Variants in DCC observed in about 807,000 individuals in gnomAD.
The protein encoded by DCC is netrin receptor DCC.
In DCC, 58 loss-of-function variants were observed where a neutral mutation model predicts 172.5. The ratio of observed to expected loss-of-function variants is 0.34; its 90% CI spans 0.27 to 0.42. The LOEUF (loss-of-function observed/expected upper bound fraction) is 0.42. Ranked by LOEUF, DCC falls within the 10% of genes least tolerant of loss-of-function variation. DCC has a pLI of 1.00. For synonymous variants in DCC, 709 were observed against 644.5 expected, an observed-to-expected ratio of 1.10 and a Z score of -1.52; for missense variants, 1,740 against 1,791.0, an observed-to-expected ratio of 0.97 and a Z score of 0.51.
intron 3 of DCC, among the ~76,000 whole-genome samples, chr18:52,916,068 G>T (rs924687709): frequency 6.6e-6 from 1 of 152,014 alleles, no homozygotes; most frequent in Admixed American, 6.6e-5. Flanking sequence ...TAATTTTATT[G>T]TCTCGATCCT....
chr18:52,457,292 G>T (rs999564217), intron 1 of DCC, among the ~76,000 whole-genome samples: 2 of 152,134 alleles, frequency 1.3e-5, no homozygotes, highest in South Asian at 2.1e-4. Context: ...TCATAAAGCA[G>T]CTGGAAAATG....
At chr18:53,428,108 T>TA (rs1911152190) in intron 21 of DCC, among the ~76,000 whole-genome samples, 1 of 19,692 alleles carries the variant, frequency 5.1e-5, no homozygotes, top group African/African-American at 2.9e-4. Context: ...TATAATATAA[T>TA]ATAATAATAT....
chr18:52,586,985 C>G (rs2033688679), intron 1 of DCC, among the ~76,000 whole-genome samples: 1 of 152,166 alleles, frequency 6.6e-6, no homozygotes, highest in Non-Finnish European at 1.5e-5. Flanking sequence ...AATACCATGA[C>G]AGTGGGTAAG....
intron 14 of DCC, among the ~76,000 whole-genome samples, chr18:53,336,078 AT>A (rs1203194844): frequency 6.6e-6 from 1 of 152,194 alleles, no homozygotes; most frequent in Non-Finnish European, 1.5e-5. Flanking sequence ...ATCAGGCTTC[AT>A]TAATTTAAAT....
intron 1 of DCC, among the ~76,000 whole-genome samples, chr18:52,698,678 A>T (rs2036051274): frequency 6.6e-6 from 1 of 151,624 alleles, no homozygotes; most frequent in East Asian, 1.9e-4. Context: ...TGCTCACTGC[A>T]ACCTCCACCT....
chr18:53,493,866 T>G (rs1269246757), intron 26 of DCC, among the ~76,000 whole-genome samples: 1 of 152,228 alleles, frequency 6.6e-6, no homozygotes, highest in Non-Finnish European at 1.5e-5. Context: ...TGTCTTCTGC[T>G]AGCTTTTGAA....
intron 1 of DCC, among the ~76,000 whole-genome samples, chr18:52,408,558 A>C (rs950434451): frequency 6.6e-6 from 1 of 152,042 alleles, no homozygotes; most frequent in Admixed American, 6.6e-5. Flanking sequence ...AAGTAATTAC[A>C]CCCCAGGTTT....
intron 3 of DCC, among the ~76,000 whole-genome samples, chr18:52,912,043 A>G (rs574759601): frequency 2.0e-5 from 3 of 152,026 alleles, no homozygotes; most frequent in Non-Finnish European, 4.4e-5. Context: ...ACATTGACTT[A>G]ACATTGACCA....
intron 21 of DCC, among the ~76,000 whole-genome samples, chr18:53,426,323 A>T (rs1262830427): frequency 1.4e-5 from 2 of 141,398 alleles, no homozygotes; most frequent in Non-Finnish European, 3.1e-5. Context: ...TTATATATTT[A>T]TAAATTTTAT....
At chr18:52,664,476 C>CTTT (rs374796439) in intron 1 of DCC, among the ~76,000 whole-genome samples, 41 of 112,424 alleles carry the variant, frequency 3.6e-4, no homozygotes, top group East Asian at 5.3e-4. Flanking sequence ...TTTTCTTTTT[C>CTTT]TTTTTTTTTT....
At chr18:53,328,647 G>A (rs912740206) in intron 14 of DCC, among the ~76,000 whole-genome samples, 3 of 152,028 alleles carry the variant, frequency 2.0e-5, no homozygotes, top group Non-Finnish European at 2.9e-5. Flanking sequence ...TGATTCTCCT[G>A]CCTCAGCCTC....
At chr18:53,036,568 G>A (rs1269188154) in intron 5 of DCC, among the ~76,000 whole-genome samples, 2 of 151,984 alleles carry the variant, frequency 1.3e-5, no homozygotes, top group Admixed American at 6.6e-5. Flanking sequence ...GAACATGTGT[G>A]TCTCAATACA....
intron 12 of DCC, among the ~76,000 whole-genome samples, chr18:53,229,579 G>A (rs929469907): frequency 7.2e-5 from 11 of 152,050 alleles, no homozygotes; most frequent in Non-Finnish European, 1.2e-4. Context: ...CTGGCAGCTT[G>A]AAATTGGCCT....
chr18:52,771,566 A>G (rs1196010443), intron 2 of DCC, among the ~76,000 whole-genome samples: 1 of 152,222 alleles, frequency 6.6e-6, no homozygotes, highest in African/African-American at 2.4e-5. Flanking sequence ...ATTTTGGTGC[A>G]TTACACTCAC....
At chr18:52,758,559 C>T (rs913392905) in intron 2 of DCC, among the ~76,000 whole-genome samples, 2 of 151,758 alleles carry the variant, frequency 1.3e-5, no homozygotes, top group Admixed American at 6.6e-5. Flanking sequence ...GAATGCCTCC[C>T]ATTTAAATGA....
chr18:53,505,716 TAATAGAAG>T (rs2046164990), intron 27 of DCC, among the ~76,000 whole-genome samples: 1 of 152,198 alleles, frequency 6.6e-6, no homozygotes, highest in African/African-American at 2.4e-5. Context: ...CTTTGTAACC[TAATAGAAG>T]ACATAATTCG....
At chr18:53,019,281 A>G (rs2041847729) in intron 5 of DCC, among the ~76,000 whole-genome samples, 1 of 152,140 alleles carries the variant, frequency 6.6e-6, no homozygotes, top group Non-Finnish European at 1.5e-5. Context: ...TTTTTTGCCT[A>G]TATGGTTCAT....
At chr18:53,409,788 A>G (rs1056491410) in intron 19 of DCC, among the ~76,000 whole-genome samples, 1 of 152,204 alleles carries the variant, frequency 6.6e-6, no homozygotes, top group African/African-American at 2.4e-5. Flanking sequence ...ATGTACAGTT[A>G]TCCAGCAATA....
chr18:52,574,532 G>T (rs1467609265), intron 1 of DCC, among the ~76,000 whole-genome samples: 1 of 152,100 alleles, frequency 6.6e-6, no homozygotes, highest in Non-Finnish European at 1.5e-5. Flanking sequence ...ATTAAATGTA[G>T]AAAACTCCAG....
Sources: gnomAD v4.1 joint callset for allele counts (sites outside exome capture counted in the v4.1 genomes callset) on GRCh38, gnomAD v4.1.1 for gene constraint, MANE v1.5 for transcripts, NCBI Gene and HGNC (gene_info 2026-07-23, HGNC 2026-07-21) for gene names.